The following KIAA1217 variants were observed in gnomAD, a reference collection of about 807,000 sequenced individuals.
The protein encoded by KIAA1217 is KIAA1217.
A neutral mutation model predicts 163.9 loss-of-function variants in KIAA1217; 88 were observed. The ratio of observed to expected loss-of-function variants is 0.54; its 90% CI spans 0.45 to 0.64. The LOEUF (loss-of-function observed/expected upper bound fraction) is 0.64. KIAA1217 is among the 30% of genes least tolerant of loss of function. The pLI is 0.00. For missense variants in KIAA1217, 2,372 were observed against 2,475.0 expected, an observed-to-expected ratio of 0.96 and a Z score of 0.88; for synonymous variants, 903 against 923.1, an observed-to-expected ratio of 0.98 and a Z score of 0.39.
chr10:24,454,148 C>T lies in KIAA1217; in HGVS notation c.846+15669C>T, dbSNP rs191124695. 3.6e-3 allele frequency among the ~76,000 whole-genome samples: 551 copies of T among 152,224 alleles called. 5 individuals are homozygous for T. Among genetic ancestry groups the T allele is most frequent in the South Asian group, 0.011 (52 of 4,812 alleles). ...AATTCCTCTCTAAGAGTTCTCAAGA[C>T]GATCAGCATCGTACTATTTGGCAGA... On this transcript the variant is annotated intron_variant, in intron 5 of 20. Coordinates refer to ENST00000376454, the MANE Select transcript of KIAA1217 (RefSeq NM_019590.5).
At chr10:24,283,079 C>T (rs986094380) in intron 2 of KIAA1217, among the ~76,000 whole-genome samples, 2 of 151,844 alleles carry the variant, frequency 1.3e-5, no homozygotes, top group African/African-American at 4.8e-5. Flanking sequence ...GTGATCCACC[C>T]ACCTCGTCCT....
intron 1 of KIAA1217, among the ~76,000 whole-genome samples, chr10:23,775,309 A>C (rs1341874890): frequency 6.6e-6 from 1 of 152,152 alleles, no homozygotes; most frequent in African/African-American, 2.4e-5. Flanking sequence ...TGGAATGAGA[A>C]ATGGGAAGTC....
intron 3 of KIAA1217, among the ~76,000 whole-genome samples, chr10:24,395,597 G>A (rs1441995528): frequency 6.6e-6 from 1 of 152,218 alleles, no homozygotes; most frequent in Non-Finnish European, 1.5e-5. Flanking sequence ...CTTTGATTCA[G>A]TAATTGGCCT....
intron 2 of KIAA1217, among the ~76,000 whole-genome samples, chr10:24,142,937 G>A (rs2064149012): frequency 6.6e-6 from 1 of 152,224 alleles, no homozygotes; most frequent in Non-Finnish European, 1.5e-5. Context: ...TAATCCACAG[G>A]AGGGGGAAAA....
At chr10:23,891,586 G>A (rs1467205480) in intron 1 of KIAA1217, among the ~76,000 whole-genome samples, 2 of 151,936 alleles carry the variant, frequency 1.3e-5, no homozygotes, top group Non-Finnish European at 2.9e-5. Flanking sequence ...TCCCCAGGCA[G>A]AATTCTAAGG....
chr10:24,240,325 C>T (rs181873842), intron 2 of KIAA1217, among the ~76,000 whole-genome samples: 4 of 152,254 alleles, frequency 2.6e-5, no homozygotes, highest in Admixed American at 6.5e-5. Flanking sequence ...TCAGAATCAT[C>T]GAAAGATACC....
intron 1 of KIAA1217, among the ~76,000 whole-genome samples, chr10:23,962,900 G>A (rs1293886836): frequency 6.6e-6 from 1 of 152,134 alleles, no homozygotes; most frequent in Non-Finnish European, 1.5e-5. Flanking sequence ...CAGGGAGGTG[G>A]ACACCAGGTC....
chr10:24,108,531 C>A lies in KIAA1217; in HGVS notation c.-171+101157C>A, dbSNP rs186102792. Among the ~76,000 whole-genome samples, 2 of 152,208 alleles carry A rather than the reference C, an allele frequency of 1.3e-5. 1 individual carries two copies. Among genetic ancestry groups the A allele is most frequent in the East Asian group, 3.9e-4 (2 of 5,182 alleles). ...TAAATGAATAGCAAGAGAAAAGAAACCTTGAAGTCAACTAAAGATTAGAAA... is the reference window on the plus strand; with the variant it reads ...TAAATGAATAGCAAGAGAAAAGAAAACTTGAAGTCAACTAAAGATTAGAAA... On this transcript the variant is annotated intron_variant, in intron 2 of 18. Transcript: ENST00000376462.
At chr10:24,441,349 A>C (rs1347430086) in intron 5 of KIAA1217, among the ~76,000 whole-genome samples, 1 of 152,204 alleles carries the variant, frequency 6.6e-6, no homozygotes, top group East Asian at 1.9e-4. Context: ...GCAGAGGGGC[A>C]ACAAAAGTCA....
intron 1 of KIAA1217, among the ~76,000 whole-genome samples, chr10:23,946,592 G>A (rs4129382): frequency 0.44 from 66,975 of 151,970 alleles, 18,709 homozygotes; most frequent in African/African-American, 0.8. Context: ...CTGTGTCGAA[G>A]TGATCACTGC....
intron 2 of KIAA1217, among the ~76,000 whole-genome samples, chr10:24,091,748 GC>G (rs2061946131): frequency 1.3e-5 from 2 of 151,886 alleles, no homozygotes; most frequent in African/African-American, 4.9e-5. Flanking sequence ...CATAGCAAAT[GC>G]TTCACCGCTG....
chr10:23,864,313 G>C (rs896502791), intron 1 of KIAA1217, among the ~76,000 whole-genome samples: 1 of 151,936 alleles, frequency 6.6e-6, no homozygotes, highest in South Asian at 2.1e-4. Flanking sequence ...TGTGATAACT[G>C]TCCGTTTTGC....
intron 1 of KIAA1217, among the ~76,000 whole-genome samples, chr10:23,993,032 T>G (rs1012237527): frequency 6.9e-6 from 1 of 145,784 alleles, no homozygotes; most frequent in African/African-American, 2.5e-5. Context: ...TAGCTTCCTT[T>G]TTTTTTTTTT....
intron 1 of KIAA1217, among the ~76,000 whole-genome samples, chr10:23,919,005 G>A (rs1842742516): frequency 6.6e-6 from 1 of 152,138 alleles, no homozygotes; most frequent in African/African-American, 2.4e-5. Context: ...TCAGGGTCAT[G>A]TGGACAGGCA....
chr10:23,962,786 T>A (rs1201914638), intron 1 of KIAA1217, among the ~76,000 whole-genome samples: 2 of 152,226 alleles, frequency 1.3e-5, no homozygotes, highest in Non-Finnish European at 2.9e-5. Flanking sequence ...TTTCCTCTTC[T>A]GTATAGAAAA....
At chr10:24,187,125 G>A (rs754862687) in intron 2 of KIAA1217, among the ~76,000 whole-genome samples, 23 of 102,246 alleles carry the variant, frequency 2.2e-4, no homozygotes, top group Non-Finnish European at 4.1e-4. Flanking sequence ...ATTGTCCATC[G>A]GAGCTGTTCA....
intron 2 of KIAA1217, among the ~76,000 whole-genome samples, chr10:24,323,278 T>C (rs1485774784): frequency 6.6e-6 from 1 of 152,164 alleles, no homozygotes; most frequent in Admixed American, 6.5e-5. Flanking sequence ...CCTGGACTTG[T>C]TACTCCTGGC....
At chr10:23,807,141 G>C (rs2130972463) in intron 1 of KIAA1217, among the ~76,000 whole-genome samples, 1 of 152,346 alleles carries the variant, frequency 6.6e-6, no homozygotes, top group East Asian at 1.9e-4. Context: ...TTGGTATGAA[G>C]CTCAGCGATT....
intron 2 of KIAA1217, among the ~76,000 whole-genome samples, chr10:24,352,650 C>T (rs760166126): frequency 6.6e-6 from 1 of 152,086 alleles, no homozygotes; most frequent in East Asian, 1.9e-4. Flanking sequence ...GAGGCAAAGG[C>T]ACTGCTTCTT....
Sources: allele counts gnomAD v4.1 joint callset (sites outside exome capture counted in the v4.1 genomes callset), GRCh38; gene constraint gnomAD v4.1.1; transcripts MANE v1.5; gene names NCBI Gene and HGNC (gene_info 2026-07-23, HGNC 2026-07-21).